The following NRXN3 variants were observed in gnomAD, a reference collection of about 807,000 sequenced individuals.
The protein encoded by NRXN3 is neurexin III.
A neutral mutation model predicts 137.6 loss-of-function variants in NRXN3; 32 were observed. That is an observed-to-expected ratio of 0.23 (90% CI 0.18 to 0.31). NRXN3 has a LOEUF of 0.31. NRXN3 is among the 10% of genes least tolerant of loss of function. NRXN3 has a pLI of 1.00. For synonymous variants in NRXN3, 798 were observed against 784.5 expected, an observed-to-expected ratio of 1.02 and a Z score of -0.29; for missense variants, 1,574 against 2,062.5, an observed-to-expected ratio of 0.76 and a Z score of 4.59.
At chr14:78,263,896 TG>T (rs1198362460) in intron 2 of NRXN3, among the ~76,000 whole-genome samples, 6 of 147,020 alleles carry the variant, frequency 4.1e-5, no homozygotes, top group African/African-American at 1.3e-4. Context: ...TGTGTGTGTG[TG>T]TGTGTGTGTG....
At chr14:79,327,290 A>G (rs1467918596) in intron 15 of NRXN3, among the ~76,000 whole-genome samples, 2 of 152,002 alleles carry the variant, frequency 1.3e-5, no homozygotes, top group African/African-American at 4.8e-5. Flanking sequence ...AGACCTATAA[A>G]TAGATTCTCG....
At chr14:78,449,950 G>A (rs2094511803) in intron 4 of NRXN3, among the ~76,000 whole-genome samples, 1 of 152,092 alleles carries the variant, frequency 6.6e-6, no homozygotes, top group African/African-American at 2.4e-5. Context: ...ACAGACCATT[G>A]GCTATCTGTC....
chr14:78,892,463 G>A (rs529439328), intron 10 of NRXN3, among the ~76,000 whole-genome samples: 6 of 151,926 alleles, frequency 3.9e-5, no homozygotes, highest in African/African-American at 9.6e-5. Context: ...TGAGCAACAC[G>A]CTTGTGAGTT....
intron 4 of NRXN3, among the ~76,000 whole-genome samples, chr14:78,532,839 G>A (rs184685024): frequency 6.6e-6 from 1 of 151,632 alleles, no homozygotes; most frequent in Non-Finnish European, 1.5e-5. Context: ...CTAGGTCAAT[G>A]ATTTATTTTT....
At chr14:78,776,312 G>T (rs1489823116) in intron 8 of NRXN3, among the ~76,000 whole-genome samples, 1 of 152,118 alleles carries the variant, frequency 6.6e-6, no homozygotes, top group East Asian at 1.9e-4. Flanking sequence ...CAAAGGACCT[G>T]CCCTTTCATC....
At chr14:78,651,861 A>G (rs1187236016) in intron 6 of NRXN3, among the ~76,000 whole-genome samples, 1 of 152,090 alleles carries the variant, frequency 6.6e-6, no homozygotes, top group Non-Finnish European at 1.5e-5. Flanking sequence ...GAATTGTGGG[A>G]GCTACAATTC....
At chr14:79,013,383 A>G (rs1446138123) in intron 15 of NRXN3, among the ~76,000 whole-genome samples, 1 of 152,150 alleles carries the variant, frequency 6.6e-6, no homozygotes, top group African/African-American at 2.4e-5. Context: ...GCCTCATTCT[A>G]TGTGCACCAA....
At chr14:78,940,477 A>T (rs1028940721) in intron 10 of NRXN3, among the ~76,000 whole-genome samples, 11 of 152,208 alleles carry the variant, frequency 7.2e-5, no homozygotes, top group Non-Finnish European at 2.9e-5. Context: ...TCTCTACTCC[A>T]TTAGACTGTA....
chr14:78,934,367 C>G (rs2099329791), intron 10 of NRXN3, among the ~76,000 whole-genome samples: 1 of 152,138 alleles, frequency 6.6e-6, no homozygotes, highest in Admixed American at 6.5e-5. Flanking sequence ...CCAGCTCAGT[C>G]AGATGCCCAA....
chr14:79,653,809 C>T (rs532985809), intron 16 of NRXN3, among the ~76,000 whole-genome samples: 1 of 152,170 alleles, frequency 6.6e-6, no homozygotes, highest in Non-Finnish European at 1.5e-5. Context: ...GAGAGAACAC[C>T]CCCACACACA....
In NRXN3 at chr14:79,778,116, A is replaced by G. The variant is rs561948472; in HGVS notation, c.4015-26996A>G. ...GTGTCAGACAGGTTTGGCTGAATTG[A>G]TATAAGACTGGTAGCATAGGCTGGG... On this transcript the variant is annotated intron_variant, in intron 19 of 20. Coordinates refer to ENST00000335750, the MANE Select transcript of NRXN3 (RefSeq NM_001330195.2). Among the ~76,000 whole-genome samples, 10 of 152,340 alleles carry G rather than the reference A, an allele frequency of 6.6e-5. No homozygotes were observed. In the East Asian group the frequency reaches 9.7e-4, roughly 15 times the overall value.
intron 1 of NRXN3, among the ~76,000 whole-genome samples, chr14:78,195,914 A>G (rs976485934): frequency 6.6e-6 from 1 of 152,134 alleles, no homozygotes; most frequent in African/African-American, 2.4e-5. Context: ...CCTCAGACCT[A>G]TTTTACAGAT....
intron 19 of NRXN3, among the ~76,000 whole-genome samples, chr14:79,712,084 G>A (rs971336653): frequency 1.3e-5 from 2 of 151,818 alleles, no homozygotes; most frequent in East Asian, 1.9e-4. Context: ...AGATAGCATC[G>A]TGAGACTTAA....
rs72681561 is a variant in NRXN3 at position 78,460,429 on chromosome 14, T to G, written c.757+162569T>G. On this transcript the variant is annotated intron_variant, in intron 4 of 20. Coordinates refer to ENST00000335750, the MANE Select transcript of NRXN3 (RefSeq NM_001330195.2). ...TTTTCTGGCCCCCATCTAGGAGCTA[T>G]GGTGGAGTCCCCAGCCACTAGTCAT... Among the ~76,000 whole-genome samples, 177 of 152,298 alleles carry G rather than the reference T, an allele frequency of 1.2e-3. 1 individual carries two copies. The highest frequency in any genetic ancestry group is 2.0e-3 in the Non-Finnish European group (136 of 68,024).
chr14:79,738,031 AAC>A (rs2098948140), intron 19 of NRXN3, among the ~76,000 whole-genome samples: 2 of 152,112 alleles, frequency 1.3e-5, no homozygotes, highest in Non-Finnish European at 2.9e-5. Context: ...ATCACCTGTA[AAC>A]TAGCATCTTG....
intron 15 of NRXN3, among the ~76,000 whole-genome samples, chr14:79,323,342 T>C (rs1161900552): frequency 6.6e-6 from 1 of 152,162 alleles, no homozygotes; most frequent in Non-Finnish European, 1.5e-5. Context: ...ATGCCTGCCC[T>C]AATGGTGTTT....
Position 78,532,448 on chromosome 14 carries a change from C to A in NRXN3, c.758-112672C>A, listed in dbSNP as rs182638789. Among the ~76,000 whole-genome samples, 782 of 145,786 alleles carry A rather than the reference C, an allele frequency of 5.4e-3. 4 individuals carry two copies. The highest frequency in any genetic ancestry group is 7.7e-3 in the Non-Finnish European group (514 of 67,034). ...GTTCTCCAGCCCCCTTAGAAAGATTCTTTCTTCCACACCAATTCTCATTTC... is the reference window on the plus strand; with the variant it reads ...GTTCTCCAGCCCCCTTAGAAAGATTATTTCTTCCACACCAATTCTCATTTC... On this transcript the variant is annotated intron_variant, in intron 4 of 20. Transcript: ENST00000335750.
At chr14:79,625,643 G>A (rs187714561) in intron 16 of NRXN3, among the ~76,000 whole-genome samples, 1 of 152,204 alleles carries the variant, frequency 6.6e-6, no homozygotes, top group African/African-American at 2.4e-5. Flanking sequence ...ATGGAATAAA[G>A]TAGTATTCAA....
chr14:78,686,572 T>A (rs1399275439), intron 6 of NRXN3, among the ~76,000 whole-genome samples: 1 of 152,218 alleles, frequency 6.6e-6, no homozygotes, highest in African/African-American at 2.4e-5. Flanking sequence ...ACCCAATTGG[T>A]AATACTCAGC....
Sources: allele counts gnomAD v4.1 joint callset (sites outside exome capture counted in the v4.1 genomes callset), GRCh38; gene constraint gnomAD v4.1.1; transcripts MANE v1.5; gene names NCBI Gene and HGNC (gene_info 2026-07-23, HGNC 2026-07-21).